The following ARHGEF11 variants were observed in gnomAD, a reference collection of about 807,000 sequenced individuals.
The protein encoded by ARHGEF11 is Rho guanine exchange factor (GEF) 11.
ARHGEF11 carries 55 observed loss-of-function variants against 193.7 expected under a neutral mutation model. That is an observed-to-expected ratio of 0.28 (90% CI 0.23 to 0.36). ARHGEF11 has a LOEUF of 0.36. ARHGEF11 is among the 10% of genes least tolerant of loss of function. ARHGEF11 has a pLI of 1.00. For synonymous variants in ARHGEF11, 693 were observed against 768.0 expected, an observed-to-expected ratio of 0.90 and a Z score of 1.62; for missense variants, 1,723 against 2,005.6, an observed-to-expected ratio of 0.86 and a Z score of 2.69.
intron 12 of ARHGEF11, 92 bp downstream of exon 12, chr1:156,963,428 T>A: frequency 6.6e-7 from 1 of 1,520,954 alleles, no homozygotes. Context: ...TCAAGTTCCC[T>A]TCACAGCTGA....
At chr1:156,991,748 G>T (rs1350086991) in intron 1 of ARHGEF11, among the ~76,000 whole-genome samples, 1 of 106,636 alleles carries the variant, frequency 9.4e-6, no homozygotes, top group Non-Finnish European at 1.7e-5. Flanking sequence ...ACGGAGTCTC[G>T]CTCTGTCGCC....
At chr1:157,014,528 A>G (rs1668968468) in intron 1 of ARHGEF11, among the ~76,000 whole-genome samples, 1 of 151,986 alleles carries the variant, frequency 6.6e-6, no homozygotes, top group Non-Finnish European at 1.5e-5. Flanking sequence ...TTCTCTCTTA[A>G]AGGAAAAAAT....
intron 32 of ARHGEF11, 136 bp from the exon 33 acceptor site, chr1:156,942,916 G>C: frequency 1.5e-6 from 1 of 674,264 alleles, no homozygotes; most frequent in East Asian, 2.7e-5. Context: ...AGACAGATGT[G>C]GATCTTCAGG....
intron 1 of ARHGEF11, among the ~76,000 whole-genome samples, chr1:157,041,165 G>C (rs1464417273): frequency 6.6e-6 from 1 of 152,128 alleles, no homozygotes; most frequent in Non-Finnish European, 1.5e-5. Context: ...GGGGAACCAG[G>C]CTAACAGATA....
chr1:156,943,870 T>G (rs1414304769), intron 32 of ARHGEF11, 65 bp downstream of exon 32: 1 of 1,549,246 alleles, frequency 6.5e-7, no homozygotes, highest in African/African-American at 1.4e-5. Context: ...TGGCCCTGCC[T>G]CACCCAGCAC....
chr1:156,951,409 C>T (rs1333310967), intron 22 of ARHGEF11, among the ~76,000 whole-genome samples, 164 bp downstream of exon 22: 1 of 152,134 alleles, frequency 6.6e-6, no homozygotes, highest in Admixed American at 6.5e-5. Context: ...TTCACTGGCA[C>T]ACAATGTGTC....
intron 17 of ARHGEF11, among the ~76,000 whole-genome samples, chr1:156,958,369 G>C (rs1660273555): frequency 6.6e-6 from 1 of 152,194 alleles, no homozygotes; most frequent in Non-Finnish European, 1.5e-5. Flanking sequence ...GCTGCCTCCT[G>C]AAGGAACTTT....
At chr1:157,045,959 G>A (rs983690024), upstream of ARHGEF11, among the ~76,000 whole-genome samples, 5 of 150,612 alleles carry the variant, frequency 3.3e-5, no homozygotes, top group Admixed American at 2.0e-4. Context: ...CGGCGGCCGG[G>A]GGCGGGGGCG....
rs1255280420 is a variant in ARHGEF11, at chr1:156,935,684, C to T, written c.*316G>A. On this transcript the variant is annotated 3_prime_UTR_variant, in exon 41 of 41. Coordinates refer to ENST00000368194, the MANE Select transcript of ARHGEF11 (RefSeq NM_198236.3). ...TGTCTGAGGGCAGCGCACATACAGG[C>T]GTGCGCGTGTACACACATATGTGGG... 1.0e-5 allele frequency: 3 copies of T among 297,278 alleles called. No individual in the cohort carries two copies. The highest frequency in any genetic ancestry group is 5.0e-5 in the Admixed American group (1 of 20,176). The allele number at this position is 297,278 out of a possible 1,614,324, so 18.4% of individuals were successfully genotyped here.
At chr1:156,947,612 A>T (rs1159225305) in intron 25 of ARHGEF11, among the ~76,000 whole-genome samples, 157 bp downstream of exon 25, 1 of 152,196 alleles carries the variant, frequency 6.6e-6, no homozygotes, top group Non-Finnish European at 1.5e-5. Context: ...AAGGGCCAGA[A>T]CTGAGGGGAA....
chr1:156,945,496 C>A (rs55949263), intron 29 of ARHGEF11: 4,300 of 386,244 alleles, frequency 0.011, 48 homozygotes, highest in Non-Finnish European at 0.014. Context: ...TAAATGGCCA[C>A]AATTATGCCT....
Position 156,946,175 on chromosome 1 carries a change from A to G in ARHGEF11, c.2695-13T>C. On this transcript the variant is annotated splice_polypyrimidine_tract_variant and intron_variant, in intron 28 of 40. Transcript: ENST00000368194. ...GGCTCTCAGCCTCCTAGACAGCAGG[A>G]GACACAGAAGGGAGGAGATGTCAGC... The G allele has an allele frequency of 6.2e-7, 1 of 1,609,984 alleles. No individual in the cohort carries two copies. The highest frequency in any genetic ancestry group is 8.5e-7 in the Non-Finnish European group (1 of 1,177,628).
chr1:157,011,304 C>T (rs1273520228), intron 1 of ARHGEF11, among the ~76,000 whole-genome samples: 1 of 152,032 alleles, frequency 6.6e-6, no homozygotes, highest in African/African-American at 2.4e-5. Flanking sequence ...GAAGCTAGAC[C>T]CCTGCCTCAC....
intron 1 of ARHGEF11, among the ~76,000 whole-genome samples, chr1:157,043,174 C>T (rs954721890): frequency 1.3e-5 from 2 of 152,154 alleles, no homozygotes; most frequent in Non-Finnish European, 2.9e-5. Context: ...CATGGATAAC[C>T]GAAGGTGGAC....
intron 1 of ARHGEF11, among the ~76,000 whole-genome samples, chr1:157,006,039 A>C (rs1321205116): frequency 6.6e-6 from 1 of 152,260 alleles, no homozygotes; most frequent in Non-Finnish European, 1.5e-5. Context: ...CACATAAAAC[A>C]TTCACTGTAA....
In ARHGEF11 at chr1:157,044,711, T is replaced by C; in HGVS notation, c.-381A>G. 2.3e-6 allele frequency: 1 copy of C among 428,432 alleles called. No individual in the cohort carries two copies. Among genetic ancestry groups the C allele is most frequent in the Non-Finnish European group, 4.1e-6 (1 of 243,728 alleles). The allele number at this position is 428,432 out of a possible 1,614,324, so 26.5% of individuals were successfully genotyped here. Reference sequence around the variant, plus strand: ...AAATGTGCCTTCAAAATATCACTGTTAACTGCAAAGTACAGATAAAACCAT... The same window carrying C: ...AAATGTGCCTTCAAAATATCACTGTCAACTGCAAAGTACAGATAAAACCAT... On this transcript the variant is annotated 5_prime_UTR_variant, in exon 1 of 41. An upstream open reading frame in the 5' UTR loses its in-frame stop. Coordinates refer to ENST00000368194, the MANE Select transcript of ARHGEF11 (RefSeq NM_198236.3).
At position 156,948,165 on chromosome 1, in the gene ARHGEF11, C is replaced by T. The variant is rs140745343; in HGVS notation, c.2153+16G>A. ...CAGAGACACCAAACAGAGGCACCAC[C>T]GTGCCCATCACTTACCTGCGGCCCA... On this transcript the variant is annotated intron_variant, in intron 24 of 40. Coordinates refer to ENST00000368194, the MANE Select transcript of ARHGEF11 (RefSeq NM_198236.3). This position sits in a 1 kb window ranked among gnomAD's most constrained non-coding sequence, Gnocchi z 4.2. 34 of 1,554,714 alleles carry T rather than the reference C, an allele frequency of 2.2e-5. No homozygotes were observed. The highest frequency in any genetic ancestry group is 2.1e-4 in the South Asian group (17 of 80,490).
At chr1:157,028,390 A>G (rs1305160648) in intron 1 of ARHGEF11, among the ~76,000 whole-genome samples, 2 of 152,246 alleles carry the variant, frequency 1.3e-5, no homozygotes, top group Non-Finnish European at 2.9e-5. Flanking sequence ...CATGAAAGAA[A>G]TACTTTTTTT....
chr1:156,956,547 G>A lies in ARHGEF11; in HGVS notation c.1544C>T (p.Ala515Val), dbSNP rs1428917273. Residue 515 changes from alanine to valine, a missense_variant, in exon 19 of 41, where the codon GCC becomes GTC. By Grantham distance (64) the Ala-to-Val change is moderately conservative (BLOSUM62 0). Around this residue, in one of 5 missense-constraint regions of ARHGEF11, gnomAD observed 646 missense variants for 710.7 expected, o/e 0.91. Transcript: ENST00000368194. ...EEDRSAPMDF[A>V]LNTYMSHAGI... ...AGCATGGCTCATGTAGGTATTGAGG[G>A]CGAAGTCCATGGGGGCGCTGTAAAA... 1 of 1,614,162 alleles carries A rather than the reference G, an allele frequency of 6.2e-7. No individual in the cohort carries two copies. The highest frequency in any genetic ancestry group is 1.1e-5 in the South Asian group (1 of 91,080).
Sources: gnomAD v4.1 joint callset for allele counts (sites outside exome capture counted in the v4.1 genomes callset) on GRCh38, gnomAD v4.1.1 for gene constraint, gnomAD v4.1.1 regional missense constraint, Gnocchi (gnomAD v3.1) non-coding constraint, MANE v1.5 for transcripts, NCBI Gene and HGNC (gene_info 2026-07-23, HGNC 2026-07-21) for gene names.